The following PLEKHG7 variants were observed in gnomAD, a reference collection of about 807,000 sequenced individuals.
PLEKHG7 encodes pleckstrin homology and RhoGEF domain containing G7, also known as pleckstrin homology domain-containing family G member 7.
In PLEKHG7, 77 loss-of-function variants were observed where a neutral mutation model predicts 85.2. The ratio of observed to expected loss-of-function variants is 0.90; its 90% CI spans 0.75 to 1.09. The LOEUF (loss-of-function observed/expected upper bound fraction) is 1.09, where lower values mean the gene tolerates loss of function less well. Ranked by LOEUF, PLEKHG7 falls within the 50% of genes least tolerant of loss-of-function variation. The pLI, the probability that PLEKHG7 is intolerant of heterozygous loss-of-function variation, is 0.00. For missense variants in PLEKHG7, 777 were observed against 804.3 expected (o/e 0.97, Z 0.41); for synonymous variants, 301 against 302.4 (o/e 1.00, Z 0.05).
intron 11 of PLEKHG7, 27 bp from the exon 12 acceptor site, chr12:92,755,798 A>G: frequency 6.8e-7 from 1 of 1,476,896 alleles, no homozygotes; most frequent in South Asian, 1.2e-5. Context: ...GCACCTAAAA[A>G]TATACTGACT....
At chr12:92,737,578 C>T in intron 7 of PLEKHG7, 57 bp downstream of exon 7, 1 of 1,498,222 alleles carries the variant, frequency 6.7e-7, no homozygotes, top group Non-Finnish European at 9.1e-7. Context: ...TTTTTTTGGG[C>T]ACTTGTTTTC....
rs753338601 is a variant in PLEKHG7, at chr12:92,764,126, C to T, written c.1802C>T (p.Thr601Ile). The T allele has an allele frequency of 3.4e-5, 55 of 1,612,642 alleles. No homozygotes were observed. Among genetic ancestry groups the T allele is most frequent in the Non-Finnish European group, 4.3e-5 (51 of 1,179,254 alleles). The part of the protein sequence containing the change: ...QAVIKEGGSC[T>I]VLDQPIPLDR... ...GTAATAAAAGAGGGTGGTTCGTGTA[C>T]AGTACTCGATCAGCCTATTCCACTA... Residue 601 changes from threonine to isoleucine, a missense_variant, in exon 15 of 17, where the codon ACA becomes ATA. Transcript: ENST00000344636.
chr12:92,715,018 G>GGATA (rs10563574), intron 3 of PLEKHG7, among the ~76,000 whole-genome samples: 15,138 of 147,448 alleles, frequency 0.1, 819 homozygotes, highest in Non-Finnish European at 0.11. Flanking sequence ...AGAACTAATG[G>GGATA]GATAGATAGA....
chr12:92,722,478 C>T (rs542278941), intron 3 of PLEKHG7, among the ~76,000 whole-genome samples: 1 of 152,156 alleles, frequency 6.6e-6, no homozygotes, highest in African/African-American at 2.4e-5. Flanking sequence ...GGCATATTCA[C>T]CTTTCCAGAA....
chr12:92,726,542 C>A (rs929607131), intron 3 of PLEKHG7, among the ~76,000 whole-genome samples: 3 of 152,164 alleles, frequency 2.0e-5, no homozygotes, highest in Non-Finnish European at 4.4e-5. Flanking sequence ...AATATCTGAA[C>A]AATTCTGATG....
intron 10 of PLEKHG7, among the ~76,000 whole-genome samples, chr12:92,745,970 C>G (rs373131275): frequency 5.3e-5 from 8 of 152,316 alleles, no homozygotes; most frequent in African/African-American, 1.7e-4. Flanking sequence ...AGCATAGAAA[C>G]TTGGGACATC....
At chr12:92,752,806 T>C (rs2136619264) in intron 10 of PLEKHG7, among the ~76,000 whole-genome samples, 1 of 152,274 alleles carries the variant, frequency 6.6e-6, no homozygotes, top group Admixed American at 6.5e-5. Flanking sequence ...AACAGGAGTT[T>C]GTTGCTCACA....
At chr12:92,763,617 C>A (rs1353507013) in intron 14 of PLEKHG7, among the ~76,000 whole-genome samples, 1 of 152,056 alleles carries the variant, frequency 6.6e-6, no homozygotes, top group Non-Finnish European at 1.5e-5. Context: ...GGGTTCAATA[C>A]CAGCCTGGAC....
intron 3 of PLEKHG7, among the ~76,000 whole-genome samples, chr12:92,710,897 C>T (rs879289057): frequency 6.6e-6 from 1 of 152,228 alleles, no homozygotes; most frequent in Non-Finnish European, 1.5e-5. Flanking sequence ...TTAAAATCCT[C>T]CTCTGCTGAG....
intron 3 of PLEKHG7, among the ~76,000 whole-genome samples, chr12:92,718,491 C>T (rs989528429): frequency 6.6e-6 from 1 of 152,092 alleles, no homozygotes; most frequent in Non-Finnish European, 1.5e-5. Flanking sequence ...CACTGCCTGG[C>T]ACTTAGTAGG....
chr12:92,715,524 A>G (rs1309673139), intron 3 of PLEKHG7, among the ~76,000 whole-genome samples: 2 of 151,982 alleles, frequency 1.3e-5, no homozygotes, highest in Admixed American at 6.6e-5. Flanking sequence ...CAGATCCCCC[A>G]TTTGTCTCTC....
intron 2 of PLEKHG7, 93 bp downstream of exon 2, chr12:92,707,231 T>C (rs1458984734): frequency 1.2e-5 from 18 of 1,477,656 alleles, no homozygotes; most frequent in Non-Finnish European, 1.4e-5. Context: ...GGCCAGTAGA[T>C]CCTAAAAAGG....
intron 1 of PLEKHG7, among the ~76,000 whole-genome samples, chr12:92,704,037 A>G (rs1871161620): frequency 6.6e-6 from 1 of 152,248 alleles, no homozygotes; most frequent in Non-Finnish European, 1.5e-5. Context: ...TAGAACTTGG[A>G]CAGTCTTCTA....
intron 12 of PLEKHG7, 47 bp downstream of exon 12, chr12:92,755,987 G>C: frequency 1.5e-6 from 2 of 1,324,544 alleles, no homozygotes; most frequent in South Asian, 2.5e-5. Flanking sequence ...TCTGGAATTT[G>C]GGCATTCAGA....
chr12:92,706,771 C>T lies in PLEKHG7; in HGVS notation c.140C>T (p.Thr47Ile), dbSNP rs1871241024. ...FDRQAPGRISTSPTLRRLRTR... is the reference protein window; with the variant it reads ...FDRQAPGRISISPTLRRLRTR... The stretch of plus-strand genomic sequence containing the variant: ...CGGCAAGCCCCAGGCCGCATCTCCA[C>T]CTCGCCCACTTTGAGGAGATTAAGG... The change falls in exon 2 of 17, where the codon ACC (threonine) becomes ATC (isoleucine). Residue 47 changes from threonine (T) to isoleucine (I), a missense_variant. Thr to Ile is a moderately conservative substitution (Grantham distance 89). Transcript: ENST00000344636. The T allele has an allele frequency of 1.2e-6, 2 of 1,613,960 alleles. No individual in the cohort carries two copies. The highest frequency in any genetic ancestry group is 2.7e-5 in the African/African-American group (2 of 74,926).
At chr12:92,717,210 G>T (rs946549665) in intron 3 of PLEKHG7, among the ~76,000 whole-genome samples, 2 of 152,180 alleles carry the variant, frequency 1.3e-5, no homozygotes, top group Admixed American at 6.5e-5. Flanking sequence ...GAAAGTAGGA[G>T]AAAAATTAAA....
Position 92,707,053 on chromosome 12 carries a change from A to T in PLEKHG7, c.422A>T (p.Asn141Ile). Residue 141 changes from asparagine (N) to isoleucine (I), a missense_variant, in exon 2 of 17, where the codon AAT (asparagine) becomes ATT (isoleucine). Asn to Ile is a moderately radical substitution (Grantham distance 149). This residue lies in a region of PLEKHG7 where 252 missense variants were observed against 241.9 expected (regional missense o/e 1.04). Coordinates refer to ENST00000344636, the MANE Select transcript of PLEKHG7 (RefSeq NM_001377329.1). ...KYLPPELQPV[N>I]EGSLHQASLR... ...CTCCCTCCTGAGCTTCAGCCTGTCA[A>T]TGAAGGGTCCCTTCACCAGGCCTCT... The T allele has an allele frequency of 6.2e-7, 1 of 1,614,050 alleles. No individual in the cohort carries two copies. The highest frequency in any genetic ancestry group is 8.5e-7 in the Non-Finnish European group (1 of 1,179,996).
intron 13 of PLEKHG7, among the ~76,000 whole-genome samples, chr12:92,760,488 T>TA (rs1035561447): frequency 1.3e-5 from 2 of 151,920 alleles, no homozygotes; most frequent in African/African-American, 4.8e-5. Flanking sequence ...CTTCTAGGGG[T>TA]AAAAACATAT....
At chr12:92,709,732 T>A (rs1254735678) in intron 3 of PLEKHG7, among the ~76,000 whole-genome samples, 1 of 152,152 alleles carries the variant, frequency 6.6e-6, no homozygotes, top group Non-Finnish European at 1.5e-5. Context: ...AAAATAGTCT[T>A]GGTAAATTTT....
Sources: gnomAD v4.1 joint callset for allele counts (sites outside exome capture counted in the v4.1 genomes callset) on GRCh38, gnomAD v4.1.1 for gene constraint, gnomAD v4.1.1 regional missense constraint, MANE v1.5 for transcripts, NCBI Gene and HGNC (gene_info 2026-07-23, HGNC 2026-07-21) for gene names.